The following TCP11L1 variants were observed in gnomAD, a reference collection of about 807,000 sequenced individuals.
TCP11L1 encodes the protein t-complex 11 like 1.
A neutral mutation model predicts 48.9 loss-of-function variants in TCP11L1; 28 were observed. The observed-to-expected ratio is 0.57, with a 90% CI of 0.42 to 0.78. TCP11L1 has a LOEUF of 0.78. Ranked by LOEUF, TCP11L1 falls within the 30% of genes least tolerant of loss-of-function variation. The probability of loss-of-function intolerance (pLI) is 0.00; values close to 1 mark genes in which losing one functional copy is unlikely to be tolerated. For synonymous variants in TCP11L1, 204 were observed against 231.9 expected (o/e 0.88, Z 1.09); for missense variants, 505 against 613.4 (o/e 0.82, Z 1.87).
intron 3 of TCP11L1, among the ~76,000 whole-genome samples, chr11:33,055,324 C>T (rs1395589798): frequency 1.3e-5 from 2 of 152,204 alleles, no homozygotes; most frequent in Admixed American, 1.3e-4. Context: ...CTGAGAGTCT[C>T]TTAGCCTGTC....
intron 8 of TCP11L1, 147 bp downstream of exon 8, chr11:33,066,158 T>G: frequency 1.9e-6 from 2 of 1,042,896 alleles, no homozygotes; most frequent in Non-Finnish European, 2.8e-6. Flanking sequence ...GTTGGTTCAC[T>G]TGGCGAAGAC....
chr11:33,065,660 C>G (rs1193413408), intron 7 of TCP11L1, among the ~76,000 whole-genome samples, 170 bp from the exon 8 acceptor site: 1 of 152,184 alleles, frequency 6.6e-6, no homozygotes, highest in Non-Finnish European at 1.5e-5. Context: ...TCAGGAGGAA[C>G]GGCTCTGAGA....
chr11:33,044,019 C>T, intron 2 of TCP11L1, 83 bp downstream of exon 2: 1 of 1,376,230 alleles, frequency 7.3e-7, no homozygotes. Context: ...GTGCATGTGG[C>T]CGTGAGCTAG....
intron 8 of TCP11L1, among the ~76,000 whole-genome samples, chr11:33,067,304 G>A (rs1854646952): frequency 2.0e-5 from 3 of 152,110 alleles, no homozygotes; most frequent in African/African-American, 7.2e-5. Context: ...ATCTAACAAG[G>A]TCCAATTCAG....
At chr11:33,064,210 G>A (rs761613172) in intron 7 of TCP11L1, among the ~76,000 whole-genome samples, 119 of 152,210 alleles carry the variant, frequency 7.8e-4, no homozygotes, top group Non-Finnish European at 5.7e-4. Context: ...GGGGACAGCT[G>A]TCTACTCCAG....
chr11:33,046,545 C>T (rs77113068), intron 2 of TCP11L1, among the ~76,000 whole-genome samples: 3 of 152,268 alleles, frequency 2.0e-5, no homozygotes, highest in Non-Finnish European at 2.9e-5. Flanking sequence ...GGAATAAGGT[C>T]GTGGAAGCTT....
intron 1 of TCP11L1, among the ~76,000 whole-genome samples, chr11:33,042,549 G>T (rs1044996330): frequency 3.3e-5 from 5 of 152,162 alleles, no homozygotes; most frequent in Non-Finnish European, 5.9e-5. Flanking sequence ...ATGGTTGTTT[G>T]CAGCTTCTTA....
intron 2 of TCP11L1, among the ~76,000 whole-genome samples, chr11:33,054,181 G>A (rs1298914040): frequency 1.3e-5 from 2 of 151,658 alleles, no homozygotes; most frequent in East Asian, 3.9e-4. Flanking sequence ...AAAGTAAACT[G>A]CTAATGGGAG....
At chr11:33,040,590 A>G (rs1430155140) in intron 1 of TCP11L1, 1 of 152,254 alleles carries the variant, frequency 6.6e-6, no homozygotes, top group East Asian at 1.9e-4. Flanking sequence ...TAAGTGGGGA[A>G]TATGACTGGT....
intron 9 of TCP11L1, 72 bp downstream of exon 9, chr11:33,068,931 C>T (rs1418316714): frequency 6.5e-7 from 1 of 1,544,342 alleles, no homozygotes; most frequent in Non-Finnish European, 8.8e-7. Context: ...TCTGAAGAAA[C>T]CTGAGGGCTC....
intron 3 of TCP11L1, among the ~76,000 whole-genome samples, chr11:33,055,342 T>A (rs1854280215): frequency 6.6e-6 from 1 of 152,224 alleles, no homozygotes; most frequent in South Asian, 2.1e-4. Context: ...GTCCTCATGG[T>A]TGCAGGATGA....
At position 33,061,563 on chromosome 11, in the gene TCP11L1, A is replaced by T; in HGVS notation, c.809A>T (p.Glu270Val). ...GACTTTGTCACCCAGTGGCTGGAAG[A>T]AGCCTCAGAGGACCTTATGACTCAG... ...SLDFVTQWLE[E>V]ASEDLMTQKY... is the part of the protein sequence containing the mutation. Residue 270 changes from glutamate to valine, a missense_variant, in exon 7 of 10, where the codon GAA becomes GTA. Glu to Val is a moderately radical substitution (Grantham distance 121, BLOSUM62 -2). This residue lies in a region of TCP11L1 where 335 missense variants were observed against 413.3 expected (regional missense o/e 0.81). Transcript: ENST00000334274. The T allele has an allele frequency of 6.2e-7, 1 of 1,608,616 alleles. No individual in the cohort carries two copies. Among genetic ancestry groups the T allele is most frequent in the Non-Finnish European group, 8.5e-7 (1 of 1,177,348 alleles).
At chr11:33,053,225 A>G (rs1405182097) in intron 2 of TCP11L1, among the ~76,000 whole-genome samples, 1 of 150,198 alleles carries the variant, frequency 6.7e-6, no homozygotes, top group Non-Finnish European at 1.5e-5. Context: ...GCTCACTGCA[A>G]CCTCTACCTC....
intron 8 of TCP11L1, 33 bp downstream of exon 8, chr11:33,066,044 A>G: frequency 1.9e-6 from 3 of 1,609,568 alleles, no homozygotes; most frequent in Non-Finnish European, 2.5e-6. Flanking sequence ...GATGGGACGC[A>G]GTGGATGTCA....
intron 3 of TCP11L1, 66 bp downstream of exon 3, chr11:33,054,791 C>G (rs1185105580): frequency 1.3e-5 from 20 of 1,534,586 alleles, no homozygotes; most frequent in Non-Finnish European, 1.7e-5. Context: ...GAAAATGTTT[C>G]CTTCAGTTGA....
chr11:33,059,511 A>T (rs1474442272), intron 6 of TCP11L1, among the ~76,000 whole-genome samples: 1 of 152,132 alleles, frequency 6.6e-6, no homozygotes, highest in Non-Finnish European at 1.5e-5. Flanking sequence ...TGGATGCATA[A>T]ATCTTCTTGT....
chr11:33,053,794 C>T (rs11032126), intron 2 of TCP11L1, among the ~76,000 whole-genome samples: 44,778 of 152,084 alleles, frequency 0.29, 6,978 homozygotes, highest in East Asian at 0.42. Context: ...CATCGGCACC[C>T]TAAAGGACTT....
chr11:33,059,125 T>G, intron 6 of TCP11L1, 30 bp downstream of exon 6: 1 of 1,607,664 alleles, frequency 6.2e-7, no homozygotes, highest in Non-Finnish European at 8.5e-7. Flanking sequence ...GTACTTTTTT[T>G]GTTGTCTGTG....
At chr11:33,047,832 T>C (rs1413618334) in intron 2 of TCP11L1, among the ~76,000 whole-genome samples, 2 of 152,234 alleles carry the variant, frequency 1.3e-5, no homozygotes, top group African/African-American at 4.8e-5. Context: ...GGGTAATCTG[T>C]ACCCTGGTTT....
Sources: allele counts gnomAD v4.1 joint callset (sites outside exome capture counted in the v4.1 genomes callset), GRCh38; gene constraint gnomAD v4.1.1; regional missense constraint gnomAD v4.1.1; transcripts MANE v1.5; gene names NCBI Gene and HGNC (gene_info 2026-07-23, HGNC 2026-07-21).